Variants in C10orf90 observed in about 807,000 individuals in gnomAD.
C10orf90 encodes the protein chromosome 10 open reading frame 90.
In C10orf90, 56 loss-of-function variants were observed where a neutral mutation model predicts 62.5. The observed-to-expected ratio is 0.90, with a 90% confidence interval of 0.72 to 1.12. The LOEUF is 1.12. Ranked by LOEUF, C10orf90 falls within the 50% of genes most tolerant of loss-of-function variation. The pLI is 0.00. For missense variants in C10orf90, 970 were observed against 880.4 expected (o/e 1.10, Z -1.29); for synonymous variants, 386 against 340.4 (o/e 1.13, Z -1.47).
intron 8 of C10orf90, among the ~76,000 whole-genome samples, chr10:126,427,745 A>C (rs540157027): frequency 6.6e-6 from 1 of 152,296 alleles, no homozygotes; most frequent in East Asian, 1.9e-4. Context: ...CCACAGACTG[A>C]AGCCTATGCT....
intron 8 of C10orf90, among the ~76,000 whole-genome samples, chr10:126,427,161 C>A (rs991326868): frequency 2.6e-5 from 4 of 152,202 alleles, no homozygotes; most frequent in Non-Finnish European, 4.4e-5. Flanking sequence ...TAGTACAGTG[C>A]CTAGCACTCT....
chr10:126,441,788 G>T (rs1858345381), intron 7 of C10orf90, among the ~76,000 whole-genome samples: 1 of 152,056 alleles, frequency 6.6e-6, no homozygotes, highest in African/African-American at 2.4e-5. Flanking sequence ...GAAACTAAGT[G>T]TTATACATGA....
At chr10:126,479,416 G>A (rs187917976) in intron 4 of C10orf90, among the ~76,000 whole-genome samples, 31 of 152,344 alleles carry the variant, frequency 2.0e-4, no homozygotes, top group Middle Eastern at 3.4e-3. Context: ...AAATGGCATG[G>A]GATTTCTGGT....
intron 2 of C10orf90, chr10:126,522,772 T>A (rs1464458025): frequency 6.6e-6 from 1 of 152,230 alleles, no homozygotes; most frequent in Admixed American, 6.5e-5. Flanking sequence ...GCAATATGAA[T>A]AATCACTGTA....
At chr10:126,656,961 A>C (rs1846407493) in intron 1 of C10orf90, among the ~76,000 whole-genome samples, 1 of 152,216 alleles carries the variant, frequency 6.6e-6, no homozygotes, top group Admixed American at 6.5e-5. Flanking sequence ...ACCTGACCTC[A>C]GGGATCTCAC....
intron 2 of C10orf90, among the ~76,000 whole-genome samples, chr10:126,597,627 C>A (rs372031452): frequency 1.2e-4 from 18 of 152,268 alleles, no homozygotes; most frequent in African/African-American, 4.1e-4. Flanking sequence ...GGGAGACCAA[C>A]AAGTGATGAT....
intron 7 of C10orf90, among the ~76,000 whole-genome samples, chr10:126,432,270 G>T (rs909854195): frequency 4.6e-5 from 7 of 152,148 alleles, no homozygotes; most frequent in Non-Finnish European, 8.8e-5. Flanking sequence ...GCTCGTGGTT[G>T]CAGAAATTGT....
intron 2 of C10orf90, among the ~76,000 whole-genome samples, chr10:126,571,530 G>A (rs1844506017): frequency 6.6e-6 from 1 of 152,196 alleles, no homozygotes; most frequent in Admixed American, 6.5e-5. Context: ...GCAGAGGGAG[G>A]AGGCGGCACA....
chr10:126,526,799 T>C (rs1386726728), intron 2 of C10orf90, among the ~76,000 whole-genome samples: 1 of 152,206 alleles, frequency 6.6e-6, no homozygotes, highest in South Asian at 2.1e-4. Context: ...GGACATATCC[T>C]ATAAATTGAA....
intron 4 of C10orf90, chr10:126,469,756 G>C (rs767625533): frequency 2.5e-6 from 1 of 403,212 alleles, no homozygotes; most frequent in Non-Finnish European, 4.9e-6. Flanking sequence ...TCTCACCTGG[G>C]TTCTCTTCCA....
intron 8 of C10orf90, among the ~76,000 whole-genome samples, chr10:126,429,122 A>G (rs1857426382): frequency 6.6e-6 from 1 of 152,278 alleles, no homozygotes; most frequent in South Asian, 2.1e-4. Context: ...ACTTGCATGA[A>G]CTTGGCCAAT....
chr10:126,526,858 T>C (rs1488095432), intron 2 of C10orf90, among the ~76,000 whole-genome samples: 2 of 152,208 alleles, frequency 1.3e-5, no homozygotes, highest in Non-Finnish European at 2.9e-5. Flanking sequence ...CTTATCATAA[T>C]GCTTTCAAAG....
chr10:126,483,315 G>T (rs1332446307), intron 4 of C10orf90, among the ~76,000 whole-genome samples: 1 of 152,148 alleles, frequency 6.6e-6, no homozygotes, highest in Non-Finnish European at 1.5e-5. Flanking sequence ...AATTTCTTTT[G>T]GTTGAGAAAC....
intron 2 of C10orf90, among the ~76,000 whole-genome samples, chr10:126,601,500 C>T (rs898930715): frequency 7.9e-5 from 12 of 152,148 alleles, no homozygotes; most frequent in Non-Finnish European, 1.8e-4. Context: ...AGGGACTGTG[C>T]TTTACTTACC....
intron 2 of C10orf90, among the ~76,000 whole-genome samples, chr10:126,601,777 C>T (rs898853264): frequency 3.9e-5 from 6 of 152,284 alleles, no homozygotes; most frequent in African/African-American, 1.2e-4. Flanking sequence ...GCGGGGACCC[C>T]GCCAAAGCCA....
At chr10:126,458,733 A>G (rs1423237322) in intron 7 of C10orf90, among the ~76,000 whole-genome samples, 1 of 152,186 alleles carries the variant, frequency 6.6e-6, no homozygotes, top group Non-Finnish European at 1.5e-5. Context: ...GCAAATATCT[A>G]TTAGGAGCCA....
chr10:126,427,202 T>A (rs1429114262), intron 8 of C10orf90, among the ~76,000 whole-genome samples: 1 of 152,198 alleles, frequency 6.6e-6, no homozygotes. Flanking sequence ...AATGAATGCA[T>A]GAAGAAAAGA....
intron 1 of C10orf90, among the ~76,000 whole-genome samples, chr10:126,668,278 T>A (rs1210415661): frequency 3.9e-5 from 6 of 152,152 alleles, no homozygotes; most frequent in East Asian, 1.9e-4. Context: ...GCATTGAGAG[T>A]TCATCCCAGA....
At chr10:126,440,465 C>T (rs752787228) in intron 7 of C10orf90, among the ~76,000 whole-genome samples, 25 of 152,236 alleles carry the variant, frequency 1.6e-4, no homozygotes, top group African/African-American at 5.1e-4. Flanking sequence ...ACCCTGGTAT[C>T]GAACACAAAG....
Sources: gnomAD v4.1 joint callset for allele counts (sites outside exome capture counted in the v4.1 genomes callset) on GRCh38, gnomAD v4.1.1 for gene constraint, MANE v1.5 for transcripts, NCBI Gene and HGNC (gene_info 2026-07-23, HGNC 2026-07-21) for gene names.